Variants in MCF2L2 observed in about 807,000 individuals in gnomAD.
The protein encoded by MCF2L2 is MCF.2 cell line derived transforming sequence-like 2, also known as probable guanine nucleotide exchange factor MCF2L2.
MCF2L2 carries 102 observed loss-of-function variants against 150.2 expected under a neutral mutation model. That is an observed-to-expected ratio of 0.68 (90% CI 0.58 to 0.80). The LOEUF (loss-of-function observed/expected upper bound fraction) is 0.80, where lower values mean the gene tolerates loss of function less well. MCF2L2 is among the 30% of genes least tolerant of loss of function. The pLI, the probability that MCF2L2 is intolerant of heterozygous loss-of-function variation, is 0.00. For missense variants in MCF2L2, 1,256 were observed against 1,372.8 expected (o/e 0.91, Z 1.34); for synonymous variants, 465 against 491.3 (o/e 0.95, Z 0.71).
Position 183,295,338 on chromosome 3 carries a change from T to C in MCF2L2, c.1637A>G (p.Lys546Arg). 1.2e-6 allele frequency: 2 copies of C among 1,611,700 alleles called. No homozygotes were observed. Among genetic ancestry groups the C allele is most frequent in the Non-Finnish European group, 1.7e-6 (2 of 1,178,930 alleles). ...CTGGCTGGTTTTTGATGACACCCAT[T>C]TTGGTGAAGACTCAGGATGTGGGGC... The part of the protein sequence containing the change: ...PVAPHPESSP[K>R]WVSSKTSQPS... The change falls in exon 13 of 30, where the codon AAA becomes AGA. Residue 546 changes from lysine (K) to arginine (R), a missense_variant. Physicochemically the swap from Lys to Arg is conservative, Grantham distance 26. Coordinates refer to ENST00000328913, the MANE Select transcript of MCF2L2 (RefSeq NM_015078.4).
intron 1 of MCF2L2, among the ~76,000 whole-genome samples, chr3:183,398,897 C>A (rs1714601570): frequency 6.6e-6 from 1 of 152,104 alleles, no homozygotes; most frequent in African/African-American, 2.4e-5. Flanking sequence ...GTTTCATAAT[C>A]TTCTTTAGTA....
intron 9 of MCF2L2, 21 bp from the exon 10 acceptor site, chr3:183,309,856 G>C: frequency 6.2e-7 from 1 of 1,612,464 alleles, no homozygotes; most frequent in South Asian, 1.1e-5. Flanking sequence ...CATTAGAACA[G>C]TCCAGAAGTA....
rs1553776075 is a variant in MCF2L2 at position 183,294,633 on chromosome 3, A to ATATT, written c.1675+666_1675+667insAATA. ...TGTGTGTGTATATATATATATATAT[A>ATATT]TTTTTTTTTTTTTGAGACGGAGTCT... On this transcript the variant is annotated intron_variant, in intron 13 of 29. Transcript: ENST00000328913. Among the ~76,000 whole-genome samples, 11 of 129,862 alleles carry ATATT rather than the reference A, an allele frequency of 8.5e-5. No individual in the cohort carries two copies. The South Asian group carries it at 9.3e-4, about 11-fold the overall frequency. The allele number at this position is 129,862 out of a possible 152,430, so 85.2% of individuals were successfully genotyped here. A position where few individuals can be genotyped will look rare whatever the true frequency, so the allele number is the denominator to read the frequency against.
intron 1 of MCF2L2, 40 bp from the exon 2 acceptor site, chr3:183,389,819 G>T: frequency 6.8e-7 from 1 of 1,477,886 alleles, no homozygotes; most frequent in Non-Finnish European, 9.5e-7. Flanking sequence ...TTAAACATGT[G>T]CAAATTACAA....
intron 1 of MCF2L2, among the ~76,000 whole-genome samples, chr3:183,424,141 T>C (rs1241547964): frequency 2.0e-5 from 3 of 152,174 alleles, no homozygotes; most frequent in African/African-American, 7.2e-5. Context: ...AAACAATATT[T>C]TTCTGACACT....
At chr3:183,318,255 A>G (rs763867152) in intron 6 of MCF2L2, 38 bp from the exon 7 acceptor site, 1 of 1,602,688 alleles carries the variant, frequency 6.2e-7, no homozygotes. Flanking sequence ...TGGAGAGATT[A>G]ACATTCACCA....
intron 15 of MCF2L2, 60 bp from the exon 16 acceptor site, chr3:183,231,077 C>T: frequency 8.0e-7 from 1 of 1,257,676 alleles, no homozygotes. Flanking sequence ...GGAGAATGTT[C>T]TTTTAGAATT....
chr3:183,227,419 T>TA lies in MCF2L2; in HGVS notation c.2115+877dup, dbSNP rs1313744169. On this transcript the variant is annotated intron_variant, in intron 18 of 29. Coordinates refer to ENST00000328913, the MANE Select transcript of MCF2L2 (RefSeq NM_015078.4). This position sits in a 1 kb window ranked among gnomAD's most constrained non-coding sequence, Gnocchi z 4.0. ...TAGGCCAAGATGTTCATAAATTGAG[T>TA]ACTAAGCCTAAAGGAGGCTGTAGAT... The TA allele has an allele frequency of 2.0e-5, 3 of 152,144 alleles. No individual in the cohort carries two copies. The highest frequency in any genetic ancestry group is 7.2e-5 in the African/African-American group (3 of 41,432). The allele number at this position is 152,144 out of a possible 1,614,324, so 9.4% of individuals were successfully genotyped here.
chr3:183,306,796 G>A (rs1729121018), intron 10 of MCF2L2, among the ~76,000 whole-genome samples: 1 of 152,222 alleles, frequency 6.6e-6, no homozygotes, highest in East Asian at 1.9e-4. Flanking sequence ...ATCCTTAGAT[G>A]TTAATGGCCT....
At chr3:183,234,707 TTTA>T (rs1553885345) in intron 15 of MCF2L2, among the ~76,000 whole-genome samples, 1 of 113,906 alleles carries the variant, frequency 8.8e-6, no homozygotes, top group South Asian at 3.3e-4. Flanking sequence ...TTTTTTTTTT[TTTA>T]TTATACTCTA....
rs1334985635 is a variant in MCF2L2, at chr3:183,178,753, T to C, written c.*627A>G. On this transcript the variant is annotated 3_prime_UTR_variant, in exon 30 of 30. Coordinates refer to ENST00000328913, the MANE Select transcript of MCF2L2 (RefSeq NM_015078.4). ...TACATAAAATACCTCAGAAAGTAAC[T>C]TGGAACGAACTCTCTCTACAACGAA... The C allele has an allele frequency of 6.6e-6, 1 of 152,194 alleles. No individual in the cohort carries two copies. The highest frequency in any genetic ancestry group is 1.5e-5 in the Non-Finnish European group (1 of 68,026). The allele number at this position is 152,194 out of a possible 1,614,324, so 9.4% of individuals were successfully genotyped here.
chr3:183,358,813 C>T (rs545778271), intron 3 of MCF2L2, among the ~76,000 whole-genome samples: 6 of 151,952 alleles, frequency 3.9e-5, no homozygotes, highest in Non-Finnish European at 7.4e-5. Context: ...TTTGTAGAGA[C>T]AGGGTCTTGC....
chr3:183,260,510 T>C (rs1725484159), intron 15 of MCF2L2, among the ~76,000 whole-genome samples: 1 of 152,190 alleles, frequency 6.6e-6, no homozygotes, highest in Non-Finnish European at 1.5e-5. Context: ...TTTTATTTGT[T>C]TCAAATTTTG....
At chr3:183,320,421 A>G (rs572918010) in intron 6 of MCF2L2, among the ~76,000 whole-genome samples, 88 of 152,272 alleles carry the variant, frequency 5.8e-4, no homozygotes, top group Middle Eastern at 3.4e-3. Context: ...CAATGATCTT[A>G]GCTAGATCTT....
At chr3:183,284,812 C>G (rs79310693) in intron 14 of MCF2L2, among the ~76,000 whole-genome samples, 3,016 of 152,206 alleles carry the variant, frequency 0.02, 60 homozygotes, top group East Asian at 0.052. Context: ...TCTCAGAGCT[C>G]TGGTACACAA....
At chr3:183,294,633 A>T (rs13063748) in intron 13 of MCF2L2, among the ~76,000 whole-genome samples, 25,942 of 129,722 alleles carry the variant, frequency 0.2, 2,827 homozygotes, top group East Asian at 0.33. Context: ...ATATATATAT[A>T]TTTTTTTTTT....
chr3:183,329,763 T>G (rs1362445950), intron 5 of MCF2L2, among the ~76,000 whole-genome samples: 1 of 152,220 alleles, frequency 6.6e-6, no homozygotes, highest in Non-Finnish European at 1.5e-5. Context: ...GCAATTTTGT[T>G]GCTATTCAGT....
chr3:183,264,098 C>T (rs1725873687), intron 15 of MCF2L2, among the ~76,000 whole-genome samples: 1 of 152,172 alleles, frequency 6.6e-6, no homozygotes, highest in African/African-American at 2.4e-5. Context: ...GTTACTATAA[C>T]AAACAAAACC....
chr3:183,289,044 T>G lies in MCF2L2; in HGVS notation c.1776+76A>C, dbSNP rs1727963261. Reference sequence around the variant, plus strand: ...GTACAGATTAAGGAAACACAATTTGTTGATTTATTGATAATTGTGACAGCA... The same window carrying G: ...GTACAGATTAAGGAAACACAATTTGGTGATTTATTGATAATTGTGACAGCA... On this transcript the variant is annotated intron_variant, in intron 14 of 29. Coordinates refer to ENST00000328913, the MANE Select transcript of MCF2L2 (RefSeq NM_015078.4). 3.1e-6 allele frequency: 3 copies of G among 965,836 alleles called. No homozygotes were observed. In the Admixed American group the frequency reaches 5.6e-5, roughly 18 times the overall value. The allele number at this position is 965,836 out of a possible 1,614,324, so 59.8% of individuals were successfully genotyped here.
Sources: allele counts gnomAD v4.1 joint callset (sites outside exome capture counted in the v4.1 genomes callset), GRCh38; gene constraint gnomAD v4.1.1; non-coding constraint Gnocchi (gnomAD v3.1); transcripts MANE v1.5; gene names NCBI Gene and HGNC (gene_info 2026-07-23, HGNC 2026-07-21).